The following VIT variants were observed in gnomAD, a reference collection of about 807,000 sequenced individuals.
The protein encoded by VIT is vitrin.
VIT carries 99 observed loss-of-function variants against 78.0 expected under a neutral mutation model. The ratio of observed to expected loss-of-function variants is 1.27; its 90% CI spans 1.08 to 1.50. VIT has a LOEUF of 1.50. Among genes scored for constraint, VIT ranks in the 40% most tolerant of loss-of-function variants. The probability of loss-of-function intolerance (pLI) is 0.00; values close to 1 mark genes in which losing one functional copy is unlikely to be tolerated. For missense variants in VIT, 1,126 were observed against 875.3 expected (o/e 1.29, Z -3.61); for synonymous variants, 374 against 334.3 (o/e 1.12, Z -1.29).
At chr2:36,700,837 C>T (rs540068095) in intron 1 of VIT, among the ~76,000 whole-genome samples, 50 of 152,210 alleles carry the variant, frequency 3.3e-4, no homozygotes, top group African/African-American at 1.2e-3. Flanking sequence ...ATTCATTTAA[C>T]CCTAACAGCA....
chr2:36,715,858 A>G (rs1015429547), intron 1 of VIT, among the ~76,000 whole-genome samples: 3 of 152,160 alleles, frequency 2.0e-5, no homozygotes, highest in African/African-American at 7.2e-5. Flanking sequence ...ATGTTTTTCC[A>G]CCTATATTAA....
intron 3 of VIT, among the ~76,000 whole-genome samples, chr2:36,730,558 C>T (rs1175688799): frequency 6.6e-6 from 1 of 152,308 alleles, no homozygotes; most frequent in East Asian, 1.9e-4. Flanking sequence ...GATTTTTCTT[C>T]TCAGTCATTT....
At chr2:36,729,316 G>A in intron 2 of VIT, 110 bp from the exon 3 acceptor site, 1 of 900,390 alleles carries the variant, frequency 1.1e-6, no homozygotes, top group Non-Finnish European at 1.6e-6. Flanking sequence ...GGGAAAATTA[G>A]TTCTGCCATG....
At chr2:36,699,973 C>T (rs991817528) in intron 1 of VIT, among the ~76,000 whole-genome samples, 7 of 151,916 alleles carry the variant, frequency 4.6e-5, no homozygotes, top group African/African-American at 1.7e-4. Context: ...CTGCCTACCC[C>T]ACAGAGCTGT....
intron 15 of VIT, among the ~76,000 whole-genome samples, chr2:36,810,915 T>A (rs199765393): frequency 6.6e-6 from 1 of 152,242 alleles, no homozygotes; most frequent in African/African-American, 2.4e-5. Context: ...ATCACAGGCA[T>A]GAGCCACTGC....
chr2:36,779,565 T>A (rs1248866033), intron 9 of VIT, among the ~76,000 whole-genome samples: 2 of 152,186 alleles, frequency 1.3e-5, no homozygotes, highest in Admixed American at 6.5e-5. Flanking sequence ...GATCATCCGA[T>A]CACCTAGGTA....
intron 1 of VIT, among the ~76,000 whole-genome samples, chr2:36,699,329 T>C (rs1401366834): frequency 6.6e-6 from 1 of 152,246 alleles, no homozygotes; most frequent in African/African-American, 2.4e-5. Flanking sequence ...CTCTCCAGTG[T>C]CAAAATGTGG....
intron 15 of VIT, among the ~76,000 whole-genome samples, chr2:36,812,604 C>T (rs754026476): frequency 1.3e-5 from 2 of 152,122 alleles, no homozygotes; most frequent in Admixed American, 1.3e-4. Context: ...TATTTTACTC[C>T]TTCCCATTTG....
At chr2:36,703,911 T>G (rs1378572731) in intron 1 of VIT, among the ~76,000 whole-genome samples, 24 of 37,252 alleles carry the variant, frequency 6.4e-4, no homozygotes, top group Non-Finnish European at 1.6e-3. Context: ...TGTTTGGGGT[T>G]TTTTTTTGTT....
chr2:36,811,507 A>G (rs1667167201), intron 15 of VIT, among the ~76,000 whole-genome samples: 1 of 152,210 alleles, frequency 6.6e-6, no homozygotes, highest in African/African-American at 2.4e-5. Flanking sequence ...TACTCAGCTT[A>G]ACACTGAGAT....
At chr2:36,771,525 C>CAA (rs1228263784) in intron 7 of VIT, among the ~76,000 whole-genome samples, 32 of 66,104 alleles carry the variant, frequency 4.8e-4, no homozygotes, top group African/African-American at 6.7e-4. Context: ...GACTTCATCT[C>CAA]AAAAAAAAAA....
intron 12 of VIT, among the ~76,000 whole-genome samples, chr2:36,789,152 T>TC (rs1391007918): frequency 1.3e-5 from 2 of 152,080 alleles, no homozygotes; most frequent in Admixed American, 1.3e-4. Flanking sequence ...ATCTTCGCCC[T>TC]CCCCCAGCAG....
At position 36,727,481 on chromosome 2, in the gene VIT, G is replaced by A. The variant is rs1452898600; in HGVS notation, c.53-1945G>A. 3.3e-5 allele frequency among the ~76,000 whole-genome samples: 5 copies of A among 152,242 alleles called. No homozygotes were observed. The East Asian group carries it at 9.6e-4, about 29-fold the overall frequency. On this transcript the variant is annotated intron_variant, in intron 2 of 15. Coordinates refer to ENST00000379242, the MANE Select transcript of VIT (RefSeq NM_053276.4). ...CCTCCATCATTAATTCATGGGATGA[G>A]ACAAATTAGTGGACTTCTCCAGACC...
At chr2:36,802,091 C>G (rs763562815) in intron 13 of VIT, among the ~76,000 whole-genome samples, 1 of 152,222 alleles carries the variant, frequency 6.6e-6, no homozygotes, top group Non-Finnish European at 1.5e-5. Flanking sequence ...AACATGTTCT[C>G]TGTTTCAAGC....
At chr2:36,741,350 A>C (rs1266875310) in intron 3 of VIT, among the ~76,000 whole-genome samples, 1 of 152,228 alleles carries the variant, frequency 6.6e-6, no homozygotes, top group Non-Finnish European at 1.5e-5. Flanking sequence ...GAATGAAACC[A>C]CAAAACTGTT....
chr2:36,762,574 C>T (rs763079800), intron 6 of VIT, among the ~76,000 whole-genome samples: 29 of 152,064 alleles, frequency 1.9e-4, no homozygotes, highest in African/African-American at 6.3e-4. Flanking sequence ...TAAGTTTTCA[C>T]GAATTCAAAT....
chr2:36,772,247 A>C (rs1422745644), intron 7 of VIT, among the ~76,000 whole-genome samples: 14 of 151,814 alleles, frequency 9.2e-5, no homozygotes, highest in Non-Finnish European at 1.2e-4. Flanking sequence ...CTGACTCTAC[A>C]AAAATAAAAA....
At chr2:36,770,413 CAG>C (rs1254494105) in intron 7 of VIT, among the ~76,000 whole-genome samples, 1 of 152,166 alleles carries the variant, frequency 6.6e-6, no homozygotes, top group African/African-American at 2.4e-5. Flanking sequence ...CAGGAAGACA[CAG>C]GGGTTCTTCC....
Position 36,754,897 on chromosome 2 carries a change from A to C in VIT, c.276-24A>C, listed in dbSNP as rs770766478. The C allele has an allele frequency of 1.9e-6, 3 of 1,600,500 alleles. No individual in the cohort carries two copies. In the African/African-American group the frequency reaches 4.0e-5, roughly 22 times the overall value. ...CAAAAAATATTTCTGTTCTTTCCTGAAAAATTATTTTTTCTCTTCATAGTG... is the reference window on the plus strand; with the variant it reads ...CAAAAAATATTTCTGTTCTTTCCTGCAAAATTATTTTTTCTCTTCATAGTG... On this transcript the variant is annotated intron_variant, in intron 4 of 15. Transcript: ENST00000379242.
Sources: gnomAD v4.1 joint callset for allele counts (sites outside exome capture counted in the v4.1 genomes callset) on GRCh38, gnomAD v4.1.1 for gene constraint, MANE v1.5 for transcripts, NCBI Gene and HGNC (gene_info 2026-07-23, HGNC 2026-07-21) for gene names.